AKAP9: variants seen among roughly 807,000 people sequenced by gnomAD.
AKAP9 encodes A-kinase anchoring protein 9, also known as A-kinase anchor protein 9.
In AKAP9, 311 loss-of-function variants were observed where a neutral mutation model predicts 488.5. The ratio of observed to expected loss-of-function variants is 0.64; its 90% CI spans 0.58 to 0.70. The LOEUF (loss-of-function observed/expected upper bound fraction) is 0.70, where lower values mean the gene tolerates loss of function less well. Ranked by LOEUF, AKAP9 falls within the 30% of genes least tolerant of loss-of-function variation. The probability of loss-of-function intolerance (pLI) is 0.00; values close to 1 mark genes in which losing one functional copy is unlikely to be tolerated. For missense variants in AKAP9, 4,215 were observed against 4,374.5 expected, an observed-to-expected ratio of 0.96 and a Z score of 1.03; for synonymous variants, 1,462 against 1,483.5, an observed-to-expected ratio of 0.99 and a Z score of 0.33.
At chr7:92,017,873 A>G (rs183809601) in intron 12 of AKAP9, among the ~76,000 whole-genome samples, 65 of 152,242 alleles carry the variant, frequency 4.3e-4, no homozygotes, top group African/African-American at 1.5e-3. Context: ...CTTTCCAAAA[A>G]TCTATAAACC....
chr7:92,012,738 A>C (rs1487900070), intron 9 of AKAP9, 96 bp downstream of exon 9: 6 of 1,011,056 alleles, frequency 5.9e-6, no homozygotes, highest in Non-Finnish European at 8.9e-6. Flanking sequence ...GAACCCACAG[A>C]GGAAGGTGAT....
Position 92,038,746 on chromosome 7 carries a change from G to C in AKAP9, c.4666G>C (p.Asp1556His), listed in dbSNP as rs775573933. The change falls in exon 17 of 50, where the codon GAT (aspartate) becomes CAT (histidine). Residue 1556 changes from aspartate to histidine, a missense_variant. By Grantham distance (81) the Asp-to-His change is moderately conservative (BLOSUM62 -1). Around this residue, in one of 5 missense-constraint regions of AKAP9, gnomAD observed 2,361 missense variants for 2,430.0 expected, o/e 0.97. Transcript: ENST00000356239. ...LTISEEMFSK[D>H]KTFIVRQSIH... Reference sequence around the variant, plus strand: ...TATTTCAGAAGAAATGTTCTCCAAAGATAAAACATTTATAGTTAGACAGTC... The same window carrying C: ...TATTTCAGAAGAAATGTTCTCCAAACATAAAACATTTATAGTTAGACAGTC... The C allele has an allele frequency of 6.2e-7, 1 of 1,605,846 alleles. No homozygotes were observed. Among genetic ancestry groups the C allele is most frequent in the Non-Finnish European group, 8.5e-7 (1 of 1,176,860 alleles).
Position 92,110,393 on chromosome 7 carries a change from T to C in AKAP9, c.*234T>C. ...AATTACCTGTATATTTGTGGAATGC[T>C]AATTTAAAACATTAAATTATAAACC... On this transcript the variant is annotated 3_prime_UTR_variant, in exon 50 of 50. Coordinates refer to ENST00000356239, the MANE Select transcript of AKAP9 (RefSeq NM_005751.5). 1 of 528,818 alleles carries C rather than the reference T, an allele frequency of 1.9e-6. No individual in the cohort carries two copies. The highest frequency in any genetic ancestry group is 2.4e-5 in the South Asian group (1 of 42,426). The allele number at this position is 528,818 out of a possible 1,614,324, so 32.8% of individuals were successfully genotyped here. A position where few individuals can be genotyped will look rare whatever the true frequency, so the allele number is the denominator to read the frequency against.
chr7:91,941,881 G>GTT (rs919578338), intron 1 of AKAP9, among the ~76,000 whole-genome samples: 4 of 75,850 alleles, frequency 5.3e-5, no homozygotes, highest in Middle Eastern at 6.7e-3. Context: ...GCGAATCCTG[G>GTT]TTGTGTGTGT....
chr7:91,978,636 G>C (rs149306967), intron 2 of AKAP9, among the ~76,000 whole-genome samples: 108 of 152,244 alleles, frequency 7.1e-4, no homozygotes, highest in African/African-American at 2.5e-3. Flanking sequence ...TTTGTAAACT[G>C]TAAAGGTGTT....
chr7:92,040,378 T>C (rs926481985), intron 17 of AKAP9, among the ~76,000 whole-genome samples: 2 of 152,140 alleles, frequency 1.3e-5, no homozygotes, highest in Non-Finnish European at 2.9e-5. Flanking sequence ...GTAGAAGGAA[T>C]CTTAAGTATC....
chr7:91,996,468 C>A (rs1638904673), intron 7 of AKAP9, among the ~76,000 whole-genome samples: 1 of 152,112 alleles, frequency 6.6e-6, no homozygotes, highest in Admixed American at 6.5e-5. Context: ...CTGTCAGTTG[C>A]CCCAGAGCTG....
chr7:92,086,766 C>T lies in AKAP9; in HGVS notation c.9213+350C>T, dbSNP rs117079317. Reference sequence around the variant, plus strand: ...AAATACAAGGTTAGGTTCCTGTAAGCCTTTGGTCACAACATTTTCATCAGT... The same window carrying T: ...AAATACAAGGTTAGGTTCCTGTAAGTCTTTGGTCACAACATTTTCATCAGT... On this transcript the variant is annotated intron_variant, in intron 37 of 49. Transcript: ENST00000356239. Among the ~76,000 whole-genome samples the T allele has an allele frequency of 5.9e-3, 891 of 152,256 alleles. 3 individuals carry two copies. The highest frequency in any genetic ancestry group is 0.028 in the South Asian group (134 of 4,816).
intron 47 of AKAP9, among the ~76,000 whole-genome samples, chr7:92,106,341 A>C (rs1428955312): frequency 6.6e-6 from 1 of 151,620 alleles, no homozygotes; most frequent in Non-Finnish European, 1.5e-5. Flanking sequence ...CTATGATATA[A>C]GTACAGTTTT....
intron 30 of AKAP9, among the ~76,000 whole-genome samples, chr7:92,078,577 GAA>G (rs550699193): frequency 5.7e-5 from 6 of 105,998 alleles, no homozygotes; most frequent in Non-Finnish European, 1.0e-4. Flanking sequence ...GTCTCAAAAA[GAA>G]AAAAAAAAAA....
chr7:92,026,346 C>G (rs28637107), intron 14 of AKAP9, among the ~76,000 whole-genome samples: 1 of 151,960 alleles, frequency 6.6e-6, no homozygotes, highest in Non-Finnish European at 1.5e-5. Context: ...CTTCTCTCTT[C>G]TCTCTCTTTC....
At chr7:92,094,286 C>G (rs1274725094) in intron 39 of AKAP9, among the ~76,000 whole-genome samples, 1 of 151,908 alleles carries the variant, frequency 6.6e-6, no homozygotes, top group African/African-American at 2.4e-5. Context: ...AATCCCAGCA[C>G]TTTGGGAGGC....
chr7:92,070,324 C>A, intron 27 of AKAP9, 118 bp downstream of exon 27: 1 of 1,158,710 alleles, frequency 8.6e-7, no homozygotes. Flanking sequence ...ACATTGTAAC[C>A]ATTTCTGTTT....
At chr7:92,100,638 C>G (rs1817372784) in intron 44 of AKAP9, among the ~76,000 whole-genome samples, 1 of 152,194 alleles carries the variant, frequency 6.6e-6, no homozygotes, top group South Asian at 2.1e-4. Flanking sequence ...TGTGGCCAGG[C>G]TTTCTCAAGG....
rs542183458 is a variant in AKAP9 at position 92,030,502 on chromosome 7, C to G, written c.4245+511C>G. ...CTAAAAATACAAAAAATTAGCTGAG[C>G]GTGGTGGCACTCGCCTGTAGTCCCA... is the stretch of plus-strand genomic sequence containing the variant. On this transcript the variant is annotated intron_variant, in intron 15 of 49. Transcript: ENST00000356239. Among the ~76,000 whole-genome samples, 3 of 152,160 alleles carry G rather than the reference C, an allele frequency of 2.0e-5. 1 individual carries two copies. The South Asian group carries it at 6.2e-4, about 32-fold the overall frequency.
chr7:92,016,514 A>G (rs1801528668), intron 11 of AKAP9, among the ~76,000 whole-genome samples: 1 of 152,054 alleles, frequency 6.6e-6, no homozygotes, highest in South Asian at 2.1e-4. Context: ...CTCTACTCCT[A>G]TCTTTTTCCT....
In AKAP9 at chr7:92,080,078, C is replaced by A. The variant is rs750551851; in HGVS notation, c.7945C>A (p.Leu2649Ile). ...AAAGAAGCTGCTAGAACTACAGAAG[C>A]TATTGGAGGGCAATGAGAAAAAACA... is the stretch of plus-strand genomic sequence containing the variant. The part of the protein sequence containing the change: ...KEKKLLELQK[L>I]LEGNEKKQRE... Residue 2649 changes from leucine to isoleucine, a missense_variant, in exon 31 of 50, where the codon CTA (leucine) becomes ATA (isoleucine). This residue lies in a region of AKAP9 where 1,476 missense variants were observed against 1,477.4 expected (regional missense o/e 1.00). Coordinates refer to ENST00000356239, the MANE Select transcript of AKAP9 (RefSeq NM_005751.5). 1 of 1,582,084 alleles carries A rather than the reference C, an allele frequency of 6.3e-7. No homozygotes were observed. Among genetic ancestry groups the A allele is most frequent in the Non-Finnish European group, 8.5e-7 (1 of 1,172,870 alleles).
intron 38 of AKAP9, chr7:92,092,846 C>G (rs1815866271): frequency 3.8e-5 from 15 of 399,462 alleles, no homozygotes; most frequent in South Asian, 2.8e-4. Flanking sequence ...AGAGTTTCAC[C>G]ATGTTGCCCA....
chr7:92,064,102 C>A (rs1810369350), intron 24 of AKAP9, among the ~76,000 whole-genome samples: 1 of 152,008 alleles, frequency 6.6e-6, no homozygotes, highest in Admixed American at 6.6e-5. Context: ...TTTTAAGAAA[C>A]CATTTAACAA....
Sources: gnomAD v4.1 joint callset for allele counts (sites outside exome capture counted in the v4.1 genomes callset) on GRCh38, gnomAD v4.1.1 for gene constraint, gnomAD v4.1.1 regional missense constraint, MANE v1.5 for transcripts, NCBI Gene and HGNC (gene_info 2026-07-23, HGNC 2026-07-21) for gene names.